Variants in SCAMP1 observed in about 807,000 individuals in gnomAD.
The protein encoded by SCAMP1 is secretory carrier membrane protein 1, also known as secretory carrier-associated membrane protein 1.
In SCAMP1, 15 loss-of-function variants were observed where a neutral mutation model predicts 41.8. The observed-to-expected ratio is 0.36, with a 90% CI of 0.24 to 0.55. The LOEUF (loss-of-function observed/expected upper bound fraction) is 0.55, where lower values mean the gene tolerates loss of function less well. SCAMP1 is among the 20% of genes least tolerant of loss of function. The pLI is 0.86. For missense variants in SCAMP1, 341 were observed against 412.6 expected (o/e 0.83, Z 1.50); for synonymous variants, 135 against 136.8 (o/e 0.99, Z 0.09).
intron 1 of SCAMP1, among the ~76,000 whole-genome samples, chr5:78,370,289 T>TA (rs1750911714): frequency 6.6e-6 from 1 of 152,240 alleles, no homozygotes; most frequent in African/African-American, 2.4e-5. Flanking sequence ...AAGATGTTTT[T>TA]AAATCACAAG....
At chr5:78,427,316 T>C (rs769407246) in intron 6 of SCAMP1, among the ~76,000 whole-genome samples, 3 of 152,248 alleles carry the variant, frequency 2.0e-5, no homozygotes, top group Middle Eastern at 3.4e-3. Flanking sequence ...TTCCTTATCA[T>C]GAGTACTGCA....
intron 1 of SCAMP1, among the ~76,000 whole-genome samples, chr5:78,387,016 G>A (rs1751358005): frequency 6.6e-6 from 1 of 152,084 alleles, no homozygotes; most frequent in South Asian, 2.1e-4. Context: ...GCAAGGCCGG[G>A]GAAGTTTTCC....
intron 1 of SCAMP1, among the ~76,000 whole-genome samples, chr5:78,363,786 G>A (rs1750724147): frequency 6.6e-6 from 1 of 152,040 alleles, no homozygotes; most frequent in Admixed American, 6.5e-5. Context: ...ATTGGTTCTT[G>A]TAAGGCTATT....
At chr5:78,366,000 C>T (rs972191689) in intron 1 of SCAMP1, among the ~76,000 whole-genome samples, 1 of 152,036 alleles carries the variant, frequency 6.6e-6, no homozygotes, top group African/African-American at 2.4e-5. Flanking sequence ...AAATTTATTG[C>T]CCAGAACTCT....
intron 2 of SCAMP1, among the ~76,000 whole-genome samples, chr5:78,408,667 C>G (rs1000034845): frequency 2.0e-5 from 3 of 152,146 alleles, no homozygotes; most frequent in African/African-American, 7.2e-5. Flanking sequence ...GTGGCATGAT[C>G]TTGGCTCGTT....
intron 7 of SCAMP1, among the ~76,000 whole-genome samples, chr5:78,453,774 G>A (rs1753306501): frequency 6.6e-6 from 1 of 152,058 alleles, no homozygotes; most frequent in African/African-American, 2.4e-5. Context: ...AATTACCTTG[G>A]GCAGTATGGC....
At chr5:78,382,514 T>C (rs2112072447) in intron 1 of SCAMP1, among the ~76,000 whole-genome samples, 1 of 152,264 alleles carries the variant, frequency 6.6e-6, no homozygotes, top group South Asian at 2.1e-4. Context: ...TTGGTGCACC[T>C]GTCACCCGAG....
chr5:78,418,537 A>T (rs1354998570), intron 4 of SCAMP1, among the ~76,000 whole-genome samples: 2 of 152,236 alleles, frequency 1.3e-5, no homozygotes, highest in East Asian at 3.9e-4. Context: ...ACATGGTATG[A>T]TATGACACTG....
intron 1 of SCAMP1, among the ~76,000 whole-genome samples, chr5:78,366,896 G>T (rs2112039883): frequency 6.8e-6 from 1 of 147,720 alleles, no homozygotes; most frequent in East Asian, 2.0e-4. Flanking sequence ...TGAGGCGGGA[G>T]GGTGACAGAG....
intron 6 of SCAMP1, among the ~76,000 whole-genome samples, chr5:78,427,429 G>T (rs764447331): frequency 2.6e-5 from 4 of 152,154 alleles, no homozygotes; most frequent in Non-Finnish European, 5.9e-5. Context: ...TTGGGAATCA[G>T]ATTTCAGTGT....
chr5:78,380,831 C>G (rs533522651), intron 1 of SCAMP1, among the ~76,000 whole-genome samples: 1 of 152,058 alleles, frequency 6.6e-6, no homozygotes, highest in African/African-American at 2.4e-5. Flanking sequence ...TTTGGGAGGC[C>G]GAGGCAGGTG....
At chr5:78,404,271 C>T (rs1198886480) in intron 2 of SCAMP1, among the ~76,000 whole-genome samples, 1 of 151,994 alleles carries the variant, frequency 6.6e-6, no homozygotes, top group African/African-American at 2.4e-5. Context: ...GCAGCCTTGA[C>T]CTCCCAGGTG....
At chr5:78,461,186 C>A (rs1228004769) in intron 8 of SCAMP1, among the ~76,000 whole-genome samples, 1 of 152,056 alleles carries the variant, frequency 6.6e-6, no homozygotes, top group African/African-American at 2.4e-5. Context: ...CTCTTTAAGT[C>A]CCATTTGTCA....
At chr5:78,376,726 A>C (rs144039561) in intron 1 of SCAMP1, among the ~76,000 whole-genome samples, 231 of 152,302 alleles carry the variant, frequency 1.5e-3, no homozygotes, top group Admixed American at 4.1e-3. Flanking sequence ...ATAGATTGGC[A>C]TGGGGTCGGA....
chr5:78,450,182 A>G, intron 7 of SCAMP1, 148 bp downstream of exon 7: 2 of 567,732 alleles, frequency 3.5e-6, no homozygotes, highest in Middle Eastern at 9.3e-4. Flanking sequence ...TTAAAATGTC[A>G]TAAGGCATAA....
chr5:78,475,236 A>G (rs7731529), intron 8 of SCAMP1, among the ~76,000 whole-genome samples: 79 of 152,270 alleles, frequency 5.2e-4, no homozygotes, highest in African/African-American at 1.7e-3. Flanking sequence ...GGAAAATACA[A>G]CTTTTTGAAG....
intron 7 of SCAMP1, among the ~76,000 whole-genome samples, chr5:78,452,713 T>C (rs899872192): frequency 1.4e-4 from 21 of 151,252 alleles, no homozygotes; most frequent in Non-Finnish European, 2.4e-4. Flanking sequence ...AGTAATGGGA[T>C]GGCTGGGTCA....
At chr5:78,385,859 C>A (rs761340681) in intron 1 of SCAMP1, among the ~76,000 whole-genome samples, 1 of 151,656 alleles carries the variant, frequency 6.6e-6, no homozygotes, top group Non-Finnish European at 1.5e-5. Flanking sequence ...TTTTTTTGTC[C>A]CTATGATGTG....
intron 4 of SCAMP1, among the ~76,000 whole-genome samples, chr5:78,417,826 A>G (rs1455649143): frequency 2.0e-5 from 3 of 152,200 alleles, no homozygotes; most frequent in Admixed American, 2.0e-4. Flanking sequence ...TGAAATTTGA[A>G]TAGTATGATA....
Sources: allele counts gnomAD v4.1 joint callset (sites outside exome capture counted in the v4.1 genomes callset), GRCh38; gene constraint gnomAD v4.1.1; transcripts MANE v1.5; gene names NCBI Gene and HGNC (gene_info 2026-07-23, HGNC 2026-07-21).